MSI2: variants seen among roughly 807,000 people sequenced by gnomAD.
MSI2 encodes RNA-binding protein Musashi homolog 2.
A neutral mutation model predicts 45.6 loss-of-function variants in MSI2; 17 were observed. The observed-to-expected ratio is 0.37, with a 90% confidence interval of 0.26 to 0.56. MSI2 has a LOEUF of 0.56. Among genes scored for constraint, MSI2 ranks in the 20% least tolerant of loss-of-function variants. The pLI, the probability that MSI2 is intolerant of heterozygous loss-of-function variation, is 0.77. For synonymous variants in MSI2, 156 were observed against 158.2 expected (o/e 0.99, Z 0.11); for missense variants, 293 against 444.2 (o/e 0.66, Z 3.06).
At chr17:57,661,878 G>A (rs564426766) in intron 11 of MSI2, among the ~76,000 whole-genome samples, 3 of 152,174 alleles carry the variant, frequency 2.0e-5, no homozygotes, top group South Asian at 2.1e-4. Flanking sequence ...CCCTACCTGG[G>A]GCACCCCCTC....
At chr17:57,453,796 A>G (rs2085062631) in intron 6 of MSI2, among the ~76,000 whole-genome samples, 1 of 152,178 alleles carries the variant, frequency 6.6e-6, no homozygotes, top group Non-Finnish European at 1.5e-5. Context: ...GTTAATTCTC[A>G]ACACCATCCT....
intron 5 of MSI2, among the ~76,000 whole-genome samples, chr17:57,271,744 CTTTT>C (rs60803369): frequency 0.14 from 15,045 of 107,302 alleles, 853 homozygotes; most frequent in East Asian, 0.28. Context: ...CCACTGCAAT[CTTTT>C]TTTTTTTTTT....
intron 2 of MSI2, 30 bp from the exon 3 acceptor site, chr17:57,257,436 C>CA: frequency 8.6e-7 from 1 of 1,166,872 alleles, no homozygotes; most frequent in Non-Finnish European, 1.3e-6. Context: ...CTTCTCTCCC[C>CA]CCCCCATCTC....
intron 6 of MSI2, among the ~76,000 whole-genome samples, chr17:57,513,682 C>T (rs2086406429): frequency 1.3e-5 from 2 of 152,196 alleles, no homozygotes; most frequent in Admixed American, 6.5e-5. Flanking sequence ...CACTGCAGTC[C>T]CTCAGGGAGC....
chr17:57,680,368 C>T lies in MSI2; in HGVS notation c.*851C>T. 1 of 226,690 alleles carries T rather than the reference C, an allele frequency of 4.4e-6. No individual in the cohort carries two copies. The highest frequency in any genetic ancestry group is 8.8e-6 in the Non-Finnish European group (1 of 114,064). The allele number at this position is 226,690 out of a possible 1,614,324, so 14.0% of individuals were successfully genotyped here. A position where few individuals can be genotyped will look rare whatever the true frequency, so the allele number is the denominator to read the frequency against. ...AATGTTGTAAATACAATTCCATTAA[C>T]TACATAGAAACTATTAAGAAAGAGA... is the stretch of plus-strand genomic sequence containing the variant. On this transcript the variant is annotated 3_prime_UTR_variant, in exon 14 of 14. Coordinates refer to ENST00000284073, the MANE Select transcript of MSI2 (RefSeq NM_138962.4).
chr17:57,282,027 T>TC (rs773069655), intron 5 of MSI2, among the ~76,000 whole-genome samples: 1 of 152,200 alleles, frequency 6.6e-6, no homozygotes, highest in African/African-American at 2.4e-5. Context: ...TGCTTTGACT[T>TC]CCCTAGCTTT....
intron 5 of MSI2, among the ~76,000 whole-genome samples, chr17:57,383,251 G>C (rs2083628509): frequency 1.3e-5 from 2 of 152,248 alleles, no homozygotes; most frequent in Non-Finnish European, 2.9e-5. Flanking sequence ...CTAGGAAGAG[G>C]AGGAGGGCCT....
chr17:57,536,484 G>T (rs961528482), intron 7 of MSI2, among the ~76,000 whole-genome samples: 1 of 152,172 alleles, frequency 6.6e-6, no homozygotes, highest in African/African-American at 2.4e-5. Flanking sequence ...CGCTGCCCTC[G>T]TTTGGGGTCT....
At chr17:57,672,085 T>G (rs1912833704) in intron 11 of MSI2, among the ~76,000 whole-genome samples, 1 of 152,156 alleles carries the variant, frequency 6.6e-6, no homozygotes, top group Non-Finnish European at 1.5e-5. Context: ...CGCCCTCTAG[T>G]GGGGACCCAG....
chr17:57,599,151 G>T (rs990575994), intron 8 of MSI2, among the ~76,000 whole-genome samples: 14 of 152,174 alleles, frequency 9.2e-5, no homozygotes, highest in African/African-American at 3.4e-4. Flanking sequence ...GGGTTCATCA[G>T]GAAAGGCCAG....
At chr17:57,438,822 C>T (rs1481135516) in intron 6 of MSI2, among the ~76,000 whole-genome samples, 63 of 133,554 alleles carry the variant, frequency 4.7e-4, no homozygotes, top group African/African-American at 1.6e-3. Context: ...TTTGAGACTG[C>T]GTTTGTTTCA....
intron 6 of MSI2, among the ~76,000 whole-genome samples, chr17:57,416,551 C>G (rs1208241824): frequency 6.6e-6 from 1 of 152,202 alleles, no homozygotes; most frequent in African/African-American, 2.4e-5. Context: ...GGATTTTTCT[C>G]GTACTGTCTG....
chr17:57,328,892 G>C (rs571359599), intron 5 of MSI2, among the ~76,000 whole-genome samples: 2 of 152,148 alleles, frequency 1.3e-5, no homozygotes, highest in Non-Finnish European at 2.9e-5. Flanking sequence ...AATTTTAGTT[G>C]TCTTGCTGAT....
chr17:57,451,955 G>T (rs79766813), intron 6 of MSI2, among the ~76,000 whole-genome samples: 1 of 152,196 alleles, frequency 6.6e-6, no homozygotes, highest in Non-Finnish European at 1.5e-5. Context: ...GTATCAGGGC[G>T]TGAGGAAGTT....
chr17:57,504,859 A>G lies in MSI2; in HGVS notation c.406-24817A>G, dbSNP rs185126762. 2.7e-5 allele frequency among the ~76,000 whole-genome samples: 4 copies of G among 146,996 alleles called. No homozygotes were observed. In the East Asian group the frequency reaches 8.3e-4, roughly 30 times the overall value. ...GGCAGGAGAGTTGCTTGAATCTGGG[A>G]GGCGGAGGTTGTGGTGAGCCGAGAT... On this transcript the variant is annotated intron_variant, in intron 6 of 13. Transcript: ENST00000284073.
At position 57,428,591 on chromosome 17, in the gene MSI2, C is replaced by T. The variant is rs114733320; in HGVS notation, c.405+27120C>T. Among the ~76,000 whole-genome samples the T allele has an allele frequency of 4.3e-3, 655 of 152,230 alleles. 5 individuals carry two copies. The highest frequency in any genetic ancestry group is 0.015 in the African/African-American group (634 of 41,538). Reference sequence around the variant, plus strand: ...GGCTGGGCATCTTTTTTTAAAAGTCCTAATGTACAGCTGCAATTGTGAAAC... The same window carrying T: ...GGCTGGGCATCTTTTTTTAAAAGTCTTAATGTACAGCTGCAATTGTGAAAC... On this transcript the variant is annotated intron_variant, in intron 6 of 13. Coordinates refer to ENST00000284073, the MANE Select transcript of MSI2 (RefSeq NM_138962.4).
intron 5 of MSI2, among the ~76,000 whole-genome samples, chr17:57,352,575 C>T (rs1239544903): frequency 6.6e-6 from 1 of 152,174 alleles, no homozygotes; most frequent in Non-Finnish European, 1.5e-5. Flanking sequence ...TCTTGCTCTT[C>T]CATGCTCACA....
chr17:57,555,247 C>T (rs72833086), intron 7 of MSI2, among the ~76,000 whole-genome samples: 10,869 of 151,840 alleles, frequency 0.072, 498 homozygotes, highest in Middle Eastern at 0.13. Context: ...GCACCCACCG[C>T]CATGCTCTGT....
intron 7 of MSI2, among the ~76,000 whole-genome samples, chr17:57,555,650 C>T (rs79606654): frequency 0.017 from 2,621 of 152,306 alleles, 86 homozygotes; most frequent in African/African-American, 0.06. Context: ...ACTGACTCCC[C>T]CAGTTACTAT....
Sources: gnomAD v4.1 joint callset for allele counts (sites outside exome capture counted in the v4.1 genomes callset) on GRCh38, gnomAD v4.1.1 for gene constraint, MANE v1.5 for transcripts, NCBI Gene and HGNC (gene_info 2026-07-23, HGNC 2026-07-21) for gene names.